The following NEFM variants were observed in gnomAD, a reference collection of about 807,000 sequenced individuals.
NEFM encodes neurofilament medium chain.
NEFM carries 16 observed loss-of-function variants against 48.1 expected under a neutral mutation model. That is an observed-to-expected ratio of 0.33 (90% confidence interval 0.23 to 0.51). NEFM has a LOEUF of 0.51. Ranked by LOEUF, NEFM falls within the 20% of genes least tolerant of loss-of-function variation. NEFM has a pLI of 0.98. For missense variants in NEFM, 1,107 were observed against 1,136.0 expected (o/e 0.97, Z 0.37); for synonymous variants, 465 against 456.9 (o/e 1.02, Z -0.23).
rs1489815568 is a variant in NEFM at position 24,914,559 on chromosome 8, G to A, written c.766G>A (p.Val256Met). Residue 256 changes from valine (V) to methionine (M), a missense_variant, in exon 1 of 3, where the codon GTG becomes ATG. This residue lies in a region of NEFM where 917 missense variants were observed against 916.4 expected (regional missense o/e 1.00). Transcript: ENST00000221166. Reference protein sequence around the residue: ...LAQIQASHITVERKDYLKTDI... With the variant: ...LAQIQASHITMERKDYLKTDI... Reference sequence around the variant, plus strand: ...CCAGATCCAGGCATCGCACATCACGGTGGAGCGCAAAGACTACCTGAAGAC... The same window carrying A: ...CCAGATCCAGGCATCGCACATCACGATGGAGCGCAAAGACTACCTGAAGAC... 1.2e-6 allele frequency: 2 copies of A among 1,614,218 alleles called. No homozygotes were observed. The highest frequency in any genetic ancestry group is 3.3e-5 in the Admixed American group (2 of 60,036).
At position 24,917,365 on chromosome 8, in the gene NEFM, G is replaced by T. The variant is rs1484041874; in HGVS notation, c.1510G>T (p.Glu504Ter). 1 of 1,596,740 alleles carries T rather than the reference G, an allele frequency of 6.3e-7. No homozygotes were observed. Among genetic ancestry groups the T allele is most frequent in the East Asian group, 2.3e-5 (1 of 44,072 alleles). Residue 504 changes from glutamate (E) to a stop codon, truncating the protein, a stop_gained, in exon 3 of 3, where the codon GAA becomes TAA. Transcript: ENST00000221166. LOFTEE classifies it low-confidence loss of function (END_TRUNC). ...EKEEEPEAEEEEVAAKKSPVK... is the reference protein window; with the variant it reads ...EKEEEPEAEE Reference sequence around the variant, plus strand: ...GGAAGAGGAACCCGAAGCTGAAGAAGAAGAAGTAGCTGCCAAAAAGTCTCC... The same window carrying T: ...GGAAGAGGAACCCGAAGCTGAAGAATAAGAAGTAGCTGCCAAAAAGTCTCC...
At chr8:24,916,114 C>T (rs953272725) in intron 2 of NEFM, among the ~76,000 whole-genome samples, 2 of 152,098 alleles carry the variant, frequency 1.3e-5, no homozygotes, top group African/African-American at 4.8e-5. Flanking sequence ...GGACAAACAC[C>T]AGGACGTTCT....
At position 24,914,301 on chromosome 8, in the gene NEFM, C is replaced by G. The variant is rs1425143207; in HGVS notation, c.508C>G (p.Gln170Glu). 2 of 1,613,198 alleles carry G rather than the reference C, an allele frequency of 1.2e-6. No individual in the cohort carries two copies. Among genetic ancestry groups the G allele is most frequent in the South Asian group, 2.2e-5 (2 of 91,014 alleles). ...TLEMVNHEKA[Q>E]VQLDSDHLEE... ...GGAGATGGTGAACCACGAGAAGGCT[C>G]AGGTGCAGCTGGACTCGGACCACCT... Residue 170 changes from glutamine (Q) to glutamate (E), a missense_variant, in exon 1 of 3, where the codon CAG (glutamine) becomes GAG (glutamate). Transcript: ENST00000221166.
At position 24,913,793 on chromosome 8, in the gene NEFM, G is replaced by T. The variant is rs768012895; in HGVS notation, c.-1G>T. 1 of 1,606,822 alleles carries T rather than the reference G, an allele frequency of 6.2e-7. No homozygotes were observed. Among genetic ancestry groups the T allele is most frequent in the Non-Finnish European group, 8.5e-7 (1 of 1,177,326 alleles). ...CAGCCACACGCCCCAAGGCCTCCAA[G>T]ATGAGCTACACGTTGGACTCGCTGG... On this transcript the variant is annotated 5_prime_UTR_variant, in exon 1 of 3. Coordinates refer to ENST00000221166, the MANE Select transcript of NEFM (RefSeq NM_005382.2).
intron 2 of NEFM, among the ~76,000 whole-genome samples, chr8:24,916,274 C>T (rs1337182188): frequency 6.6e-6 from 1 of 151,932 alleles, no homozygotes; most frequent in Non-Finnish European, 1.5e-5. Flanking sequence ...TAAATTATAT[C>T]AATATATCAT....
rs1226008619 is a variant in NEFM, at chr8:24,918,266, G to C, written c.2411G>C (p.Gly804Ala). The C allele has an allele frequency of 1.3e-6, 2 of 1,594,540 alleles. No individual in the cohort carries two copies. Among genetic ancestry groups the C allele is most frequent in the East Asian group, 4.5e-5 (2 of 44,072 alleles). Residue 804 changes from glycine to alanine, a missense_variant, in exon 3 of 3, where the codon GGG becomes GCG. Transcript: ENST00000221166. ...GSRKEDIAVN[G>A]EVEGKEEVEQ... ...AGGAAGGAAGACATAGCTGTCAATG[G>C]GGAGGTAGAAGGAAAAGAGGAGGTA...
At position 24,914,787 on chromosome 8, in the gene NEFM, G is replaced by A; in HGVS notation, c.994G>A (p.Glu332Lys). The change falls in exon 1 of 3, where the codon GAG (glutamate) becomes AAG (lysine). Residue 332 changes from glutamate to lysine, a missense_variant. Coordinates refer to ENST00000221166, the MANE Select transcript of NEFM (RefSeq NM_005382.2). Reference sequence around the variant, plus strand: ...GCTGCAGTCCAAGAGCATCGAGCTAGAGTCGGTGCGCGGCACCAAGGAGTC... The same window carrying A: ...GCTGCAGTCCAAGAGCATCGAGCTAAAGTCGGTGCGCGGCACCAAGGAGTC... Reference protein sequence around the residue: ...RQLQSKSIELESVRGTKESLE... With the variant: ...RQLQSKSIELKSVRGTKESLE... 1 of 1,608,460 alleles carries A rather than the reference G, an allele frequency of 6.2e-7. No homozygotes were observed. The highest frequency in any genetic ancestry group is 8.5e-7 in the Non-Finnish European group (1 of 1,177,880).
Position 24,917,996 on chromosome 8 carries a change from A to G in NEFM, c.2141A>G (p.Lys714Arg). 6.2e-7 allele frequency: 1 copy of G among 1,602,340 alleles called. No individual in the cohort carries two copies. Among genetic ancestry groups the G allele is most frequent in the East Asian group, 2.2e-5 (1 of 44,662 alleles). The stretch of plus-strand genomic sequence containing the variant: ...GAAAAGGAAGTCAAGGAAGCTCCCA[A>G]GGAAGAGAAGGTAGAGAAAAAGGAA... ...EEEKEVKEAP[K>R]EEKVEKKEEK... Residue 714 changes from lysine (K) to arginine (R), a missense_variant, in exon 3 of 3, where the codon AAG becomes AGG. This residue lies in a region of NEFM where 917 missense variants were observed against 916.4 expected (regional missense o/e 1.00). Coordinates refer to ENST00000221166, the MANE Select transcript of NEFM (RefSeq NM_005382.2).
chr8:24,914,421 A>C lies in NEFM; in HGVS notation c.628A>C (p.Ile210Leu), dbSNP rs139199878. The change falls in exon 1 of 3, where the codon ATC becomes CTC. Residue 210 changes from isoleucine to leucine, a missense_variant. By Grantham distance (5) the Ile-to-Leu change is conservative. This residue lies in a region of NEFM where 917 missense variants were observed against 916.4 expected (regional missense o/e 1.00). Coordinates refer to ENST00000221166, the MANE Select transcript of NEFM (RefSeq NM_005382.2). Reference sequence around the variant, plus strand: ...GGCCATCCGCGCGCTGCGCAAAGACATCGAGGAGGCGTCGCTGGTCAAGGT... The same window carrying C: ...GGCCATCCGCGCGCTGCGCAAAGACCTCGAGGAGGCGTCGCTGGTCAAGGT... ...EAAIRALRKD[I>L]EEASLVKVEL... 2 of 1,613,546 alleles carry C rather than the reference A, an allele frequency of 1.2e-6. No homozygotes were observed. The highest frequency in any genetic ancestry group is 2.7e-5 in the African/African-American group (2 of 74,938).
rs1183781152 is a variant in NEFM, at chr8:24,915,607, C to T, written c.1083C>T (p.Asp361=). The change falls in exon 2 of 3, where the codon GAC becomes GAT. Residue 361 remains aspartate (D), a splice_region_variant and synonymous_variant. Transcript: ENST00000221166. ...RHNHDLSSYQ[D]TIQQLENELR... is the part of the protein sequence containing the mutation. Reference sequence around the variant, plus strand: ...GAGATTCTCTGTGTCTGTTTCAGGACACCATCCAGCAGCTGGAAAATGAGC... The same window carrying T: ...GAGATTCTCTGTGTCTGTTTCAGGATACCATCCAGCAGCTGGAAAATGAGC... 1 of 1,614,018 alleles carries T rather than the reference C, an allele frequency of 6.2e-7. No individual in the cohort carries two copies. Among genetic ancestry groups the T allele is most frequent in the Non-Finnish European group, 8.5e-7 (1 of 1,179,992 alleles).
Position 24,913,885 on chromosome 8 carries a change from C to G in NEFM, c.92C>G (p.Pro31Arg), listed in dbSNP as rs781046186. The G allele has an allele frequency of 4.3e-5, 70 of 1,610,604 alleles. No individual in the cohort carries two copies. The highest frequency in any genetic ancestry group is 5.4e-5 in the Non-Finnish European group (64 of 1,179,014). The change falls in exon 1 of 3, where the codon CCG (proline) becomes CGG (arginine). Residue 31 changes from proline (P) to arginine (R), a missense_variant. By Grantham distance (103) the Pro-to-Arg change is moderately radical (BLOSUM62 -2). This residue lies in a region of NEFM where 186 missense variants were observed against 200.6 expected (regional missense o/e 0.93). Transcript: ENST00000221166. Reference sequence around the variant, plus strand: ...AGCTTCAGCCGCGTCAGCGGCTCCCCGTCCAGTGGCTTCCGCTCGCAGTCG... The same window carrying G: ...AGCTTCAGCCGCGTCAGCGGCTCCCGGTCCAGTGGCTTCCGCTCGCAGTCG... Reference protein sequence around the residue: ...RSSFSRVSGSPSSGFRSQSWS... With the variant: ...RSSFSRVSGSRSSGFRSQSWS...
At chr8:24,915,958 A>G (rs1802567296) in intron 2 of NEFM, among the ~76,000 whole-genome samples, 1 of 152,258 alleles carries the variant, frequency 6.6e-6, no homozygotes, top group South Asian at 2.1e-4. Context: ...AGGTTTTTGA[A>G]TTACACAAAG....
rs201628186 is a variant in NEFM at position 24,913,934 on chromosome 8, C to T, written c.141C>T (p.Thr47=). The T allele has an allele frequency of 1.1e-4, 185 of 1,611,542 alleles. No homozygotes were observed. The African/African-American group carries it at 1.6e-3, about 14-fold the overall frequency. Reference sequence around the variant, plus strand: ...CGTGGTCCCGCGGCTCGCCCAGCACCGTGTCCTCCTCCTATAAGCGCAGCA... The same window carrying T: ...CGTGGTCCCGCGGCTCGCCCAGCACTGTGTCCTCCTCCTATAAGCGCAGCA... ...SQSWSRGSPS[T]VSSSYKRSML... The change falls in exon 1 of 3, where the codon ACC becomes ACT. Residue 47 remains threonine, a synonymous_variant. Transcript: ENST00000221166.
In NEFM at chr8:24,917,230, G is replaced by C; in HGVS notation, c.1375G>C (p.Glu459Gln). Residue 459 changes from glutamate (E) to glutamine (Q), a missense_variant, in exon 3 of 3, where the codon GAA becomes CAA. Coordinates refer to ENST00000221166, the MANE Select transcript of NEFM (RefSeq NM_005382.2). The part of the protein sequence containing the change: ...QHKFVEEIIE[E>Q]TKVEDEKSEM... ...CAAATTTGTCGAGGAGATCATAGAG[G>C]AAACCAAAGTGGAGGATGAGAAGTC... 2 of 1,614,128 alleles carry C rather than the reference G, an allele frequency of 1.2e-6. No individual in the cohort carries two copies. Among genetic ancestry groups the C allele is most frequent in the African/African-American group, 1.3e-5 (1 of 75,008 alleles).
Position 24,918,890 on chromosome 8 carries a change from A to T in NEFM, c.*284A>T, listed in dbSNP as rs536838087. 2 of 430,806 alleles carry T rather than the reference A, an allele frequency of 4.6e-6. No homozygotes were observed. Among genetic ancestry groups the T allele is most frequent in the African/African-American group, 4.0e-5 (2 of 50,192 alleles). 26.7% of individuals were successfully genotyped at this position (430,806 alleles called of 1,614,324 possible). A position where few individuals can be genotyped will look rare whatever the true frequency, so the allele number is the denominator to read the frequency against. On this transcript the variant is annotated 3_prime_UTR_variant, in exon 3 of 3. Transcript: ENST00000221166. Reference sequence around the variant, plus strand: ...TTGAGATGTATTATGCAAAGTACCAACTGAGCCAAAAACAATAAACGAAAC... The same window carrying T: ...TTGAGATGTATTATGCAAAGTACCATCTGAGCCAAAAACAATAAACGAAAC...
In NEFM at chr8:24,914,478, G is replaced by T. The variant is rs1263165005; in HGVS notation, c.685G>T (p.Asp229Tyr). Residue 229 changes from aspartate to tyrosine, a missense_variant, in exon 1 of 3, where the codon GAT becomes TAT. Asp to Tyr is a radical substitution (Grantham distance 160). Around this residue, in one of 3 missense-constraint regions of NEFM, gnomAD observed 917 missense variants for 916.4 expected, o/e 1.00. Coordinates refer to ENST00000221166, the MANE Select transcript of NEFM (RefSeq NM_005382.2). ...ELDKKVQSLQDEVAFLRSNHE... is the reference protein window; with the variant it reads ...ELDKKVQSLQYEVAFLRSNHE... ...GGACAAGAAGGTGCAGTCGCTGCAG[G>T]ATGAGGTGGCCTTCCTGCGGAGCAA... The T allele has an allele frequency of 6.2e-7, 1 of 1,613,918 alleles. No individual in the cohort carries two copies. Among genetic ancestry groups the T allele is most frequent in the African/African-American group, 1.3e-5 (1 of 74,954 alleles).
At position 24,913,888 on chromosome 8, in the gene NEFM, C is replaced by G; in HGVS notation, c.95C>G (p.Ser32Cys). ...SSFSRVSGSPSSGFRSQSWSR... is the reference protein window; with the variant it reads ...SSFSRVSGSPCSGFRSQSWSR... ...TTCAGCCGCGTCAGCGGCTCCCCGT[C>G]CAGTGGCTTCCGCTCGCAGTCGTGG... is the stretch of plus-strand genomic sequence containing the variant. Residue 32 changes from serine to cysteine, a missense_variant, in exon 1 of 3, where the codon TCC (serine) becomes TGC (cysteine). Ser to Cys is a moderately radical substitution (Grantham distance 112, BLOSUM62 -1). Around this residue, in one of 3 missense-constraint regions of NEFM, gnomAD observed 186 missense variants for 200.6 expected, o/e 0.93. Transcript: ENST00000221166. The G allele has an allele frequency of 6.2e-7, 1 of 1,610,414 alleles. No homozygotes were observed. Among genetic ancestry groups the G allele is most frequent in the Admixed American group, 1.7e-5 (1 of 59,944 alleles).
At chr8:24,915,465 G>T (rs533115485) in intron 1 of NEFM, 140 bp from the exon 2 acceptor site, 2 of 1,326,740 alleles carry the variant, frequency 1.5e-6, no homozygotes. Context: ...GGGACGGGGG[G>T]CTGGGAGTCA....
Position 24,913,953 on chromosome 8 carries a change from C to T in NEFM, c.160C>T (p.Arg54Cys), listed in dbSNP as rs1802532597. Residue 54 changes from arginine (R) to cysteine (C), a missense_variant, in exon 1 of 3, where the codon CGC (arginine) becomes TGC (cysteine). Physicochemically the swap from Arg to Cys is radical, Grantham distance 180. Coordinates refer to ENST00000221166, the MANE Select transcript of NEFM (RefSeq NM_005382.2). ...CAGCACCGTGTCCTCCTCCTATAAG[C>T]GCAGCATGCTCGCCCCGCGCCTCGC... is the stretch of plus-strand genomic sequence containing the variant. The part of the protein sequence containing the change: ...SPSTVSSSYK[R>C]SMLAPRLAYS... 1.3e-5 allele frequency: 21 copies of T among 1,611,826 alleles called. No homozygotes were observed. Among genetic ancestry groups the T allele is most frequent in the Non-Finnish European group, 1.7e-5 (20 of 1,179,554 alleles).
Sources: gnomAD v4.1 joint callset for allele counts (sites outside exome capture counted in the v4.1 genomes callset) on GRCh38, gnomAD v4.1.1 for gene constraint, gnomAD v4.1.1 regional missense constraint, MANE v1.5 for transcripts, NCBI Gene and HGNC (gene_info 2026-07-23, HGNC 2026-07-21) for gene names.